The following VIRMA variants were observed in gnomAD, a reference collection of about 807,000 sequenced individuals.
The protein encoded by VIRMA is protein virilizer homolog.
In VIRMA, 65 loss-of-function variants were observed where a neutral mutation model predicts 182.4. The ratio of observed to expected loss-of-function variants is 0.36; its 90% CI spans 0.29 to 0.44. VIRMA has a LOEUF of 0.44. Ranked by LOEUF, VIRMA falls within the 20% of genes least tolerant of loss-of-function variation. VIRMA has a pLI of 1.00. For missense variants in VIRMA, 1,752 were observed against 2,158.1 expected (o/e 0.81, Z 3.73); for synonymous variants, 709 against 743.1 (o/e 0.95, Z 0.75).
In VIRMA at chr8:94,518,911, T is replaced by G. The variant is rs897007928; in HGVS notation, c.2513+74A>C. 8.9e-6 allele frequency: 12 copies of G among 1,344,384 alleles called. No homozygotes were observed. In the African/African-American group the frequency reaches 1.8e-4, roughly 20 times the overall value. The allele number at this position is 1,344,384 out of a possible 1,614,324, so 83.3% of individuals were successfully genotyped here. ...TTTCCCTCTCAAAATAACACCTTCT[T>G]TTAAGAAACTAGACCATTAGTTAAT... is the stretch of plus-strand genomic sequence containing the variant. On this transcript the variant is annotated intron_variant, in intron 9 of 23. Transcript: ENST00000297591.
At chr8:94,490,940 C>T (rs986935206) in intron 22 of VIRMA, among the ~76,000 whole-genome samples, 4 of 151,802 alleles carry the variant, frequency 2.6e-5, no homozygotes, top group African/African-American at 9.7e-5. Context: ...CTGCACAGAA[C>T]AATCTTAAGA....
rs1314120232 is a variant in VIRMA, at chr8:94,509,828, T to G, written c.3739A>C (p.Asn1247His). ...CTTTCATCACCTTTAATAGTTCCAT[T>G]AATTAGATGCAAAATAGCTAATTTA... ...ACKLAILHLI[N>H]GTIKGDERYA... Residue 1247 changes from asparagine to histidine, a missense_variant, in exon 15 of 24, where the codon AAT becomes CAT. Physicochemically the swap from Asn to His is moderately conservative, Grantham distance 68 (BLOSUM62 1). This residue lies in a region of VIRMA where 777 missense variants were observed against 920.6 expected (regional missense o/e 0.84). Transcript: ENST00000297591. The G allele has an allele frequency of 2.5e-6, 4 of 1,614,068 alleles. No individual in the cohort carries two copies. Among genetic ancestry groups the G allele is most frequent in the Non-Finnish European group, 3.4e-6 (4 of 1,179,944 alleles).
At chr8:94,525,926 GAAGC>G (rs1814944195) in intron 8 of VIRMA, among the ~76,000 whole-genome samples, 1 of 152,194 alleles carries the variant, frequency 6.6e-6, no homozygotes, top group Admixed American at 6.5e-5. Flanking sequence ...CACCTTCCCA[GAAGC>G]AAGTCAGCAG....
intron 22 of VIRMA, among the ~76,000 whole-genome samples, chr8:94,490,944 C>G (rs1200338307): frequency 6.6e-6 from 1 of 151,908 alleles, no homozygotes; most frequent in Non-Finnish European, 1.5e-5. Context: ...ACAGAACAAT[C>G]TTAAGAAAAC....
rs149423796 is a variant in VIRMA at position 94,499,078 on chromosome 8, CTAAAA to C, written c.4230+291_4230+295del. On this transcript the variant is annotated intron_variant, in intron 17 of 23. Coordinates refer to ENST00000297591, the MANE Select transcript of VIRMA (RefSeq NM_015496.5). Reference sequence around the variant, plus strand: ...TCTGGATGACAGAGTGAGACTCTATCTAAAATAAAATAAAATAAAATAAAATGAAC... The same window carrying C: ...TCTGGATGACAGAGTGAGACTCTATCTAAAATAAAATAAAATAAAATGAAC... 1,017 of 166,742 alleles carry C rather than the reference CTAAAA, an allele frequency of 6.1e-3. 11 individuals carry two copies. Among genetic ancestry groups the C allele is most frequent in the African/African-American group, 0.022 (924 of 41,888 alleles). The allele number at this position is 166,742 out of a possible 1,614,324, so 10.3% of individuals were successfully genotyped here.
intron 1 of VIRMA, among the ~76,000 whole-genome samples, chr8:94,545,692 A>G (rs927157550): frequency 6.6e-6 from 1 of 152,202 alleles, no homozygotes; most frequent in African/African-American, 2.4e-5. Flanking sequence ...TTAGGTCCCC[A>G]GCCCAGGTTG....
chr8:94,548,559 A>AT (rs1408704480), intron 1 of VIRMA, among the ~76,000 whole-genome samples: 1 of 151,352 alleles, frequency 6.6e-6, no homozygotes, highest in Non-Finnish European at 1.5e-5. Context: ...TGTTTACCAA[A>AT]TAACCTTGCT....
At chr8:94,523,002 ACACT>A (rs2130339362) in intron 8 of VIRMA, among the ~76,000 whole-genome samples, 1 of 152,304 alleles carries the variant, frequency 6.6e-6, no homozygotes, top group Admixed American at 6.5e-5. Flanking sequence ...TGGGAAAAAA[ACACT>A]CAGTAAGTAT....
intron 5 of VIRMA, chr8:94,533,585 C>A (rs1177601076): frequency 5.3e-5 from 8 of 150,942 alleles, no homozygotes; most frequent in African/African-American, 1.7e-4. Context: ...GGACCACAGG[C>A]ACATGCCATC....
At position 94,526,625 on chromosome 8, in the gene VIRMA, A is replaced by C; in HGVS notation, c.1619T>G (p.Leu540Ter). The change falls in exon 8 of 24, where the codon TTA becomes TGA. Residue 540 changes from leucine to a stop codon, truncating the protein, a stop_gained. Transcript: ENST00000297591. LOFTEE classifies it high-confidence loss of function. ...GYQKLLELIL[L>*]DQTVRVVTAG... is the part of the protein sequence containing the mutation. ...AGTAACAACCCTCACAGTCTGATCT[A>C]AAAGTATGAGTTCCAGAAGCTTTTG... The C allele has an allele frequency of 6.2e-7, 1 of 1,614,214 alleles. No individual in the cohort carries two copies. The highest frequency in any genetic ancestry group is 8.5e-7 in the Non-Finnish European group (1 of 1,180,042).
At chr8:94,529,049 G>C (rs771021518) in intron 7 of VIRMA, 21 bp downstream of exon 7, 2 of 1,611,230 alleles carry the variant, frequency 1.2e-6, no homozygotes, top group Non-Finnish European at 1.7e-6. Context: ...AAACCCCAAA[G>C]TCCTAGCTAA....
chr8:94,497,434 TTTTC>T (rs1563679058), intron 17 of VIRMA: 1 of 137,062 alleles, frequency 7.3e-6, no homozygotes, highest in Non-Finnish European at 1.6e-5. Flanking sequence ...TTTTCTTTTT[TTTTC>T]TTTTTTTTGA....
intron 1 of VIRMA, among the ~76,000 whole-genome samples, chr8:94,544,644 G>C (rs1312170417): frequency 1.6e-5 from 2 of 123,782 alleles, no homozygotes; most frequent in African/African-American, 6.1e-5. Context: ...CTGGGTGACA[G>C]AGCGAGCGAC....
rs1813524697 is a variant in VIRMA at position 94,488,720 on chromosome 8, A to G, written c.5425T>C (p.Ser1809Pro). The G allele has an allele frequency of 6.2e-7, 1 of 1,614,058 alleles. No homozygotes were observed. The change falls in exon 24 of 24, where the codon TCC becomes CCC. Residue 1809 changes from serine to proline, a missense_variant. Around this residue, in one of 11 missense-constraint regions of VIRMA, gnomAD observed 132 missense variants for 173.8 expected, o/e 0.76. Transcript: ENST00000297591. Reference sequence around the variant, plus strand: ...CAAAAGGATTTTTATCGTGTAAAGGAGCGTACATGACGACCTCTACCACTG... The same window carrying G: ...CAAAAGGATTTTTATCGTGTAAAGGGGCGTACATGACGACCTCTACCACTG... ...GGSGRGRHVRSFTR is the reference protein window; with the variant it reads ...GGSGRGRHVRPFTR
intron 16 of VIRMA, 35 bp downstream of exon 16, chr8:94,506,465 A>G: frequency 7.3e-7 from 1 of 1,365,102 alleles, no homozygotes; most frequent in African/African-American, 1.4e-5. Context: ...GAAAAAATTA[A>G]ATCTGAGAGT....
At chr8:94,552,386 A>G (rs1816021590) in intron 1 of VIRMA, among the ~76,000 whole-genome samples, 1 of 152,200 alleles carries the variant, frequency 6.6e-6, no homozygotes, top group Admixed American at 6.5e-5. Context: ...TTGAGCACCT[A>G]CATTTTGCTA....
At chr8:94,526,123 A>C (rs999684776) in intron 8 of VIRMA, 100 bp downstream of exon 8, 1 of 864,922 alleles carries the variant, frequency 1.2e-6, no homozygotes, top group Non-Finnish European at 1.8e-6. Flanking sequence ...CCTTACACAT[A>C]AATAAGTTAC....
At chr8:94,548,674 G>T (rs1395877189) in intron 1 of VIRMA, among the ~76,000 whole-genome samples, 1 of 151,240 alleles carries the variant, frequency 6.6e-6, no homozygotes, top group Non-Finnish European at 1.5e-5. Context: ...TATTTATTTT[G>T]AGACAGAGTC....
At chr8:94,551,321 G>A (rs1376756877) in intron 1 of VIRMA, among the ~76,000 whole-genome samples, 2 of 152,132 alleles carry the variant, frequency 1.3e-5, no homozygotes, top group Non-Finnish European at 1.5e-5. Flanking sequence ...GTTCTAATAC[G>A]TCAGATACTG....
Sources: allele counts gnomAD v4.1 joint callset (sites outside exome capture counted in the v4.1 genomes callset), GRCh38; gene constraint gnomAD v4.1.1; regional missense constraint gnomAD v4.1.1; transcripts MANE v1.5; gene names NCBI Gene and HGNC (gene_info 2026-07-23, HGNC 2026-07-21).